Variants in HSD17B2 observed in about 807,000 individuals in gnomAD.
HSD17B2 encodes hydroxysteroid 17-beta dehydrogenase 2.
In HSD17B2, 32 loss-of-function variants were observed where a neutral mutation model predicts 26.9. The observed-to-expected ratio is 1.19, with a 90% CI of 0.90 to 1.60. The LOEUF (loss-of-function observed/expected upper bound fraction) is 1.60. Among genes scored for constraint, HSD17B2 ranks in the 40% most tolerant of loss-of-function variants. The pLI, the probability that HSD17B2 is intolerant of heterozygous loss-of-function variation, is 0.00. For missense variants in HSD17B2, 613 were observed against 468.6 expected, an observed-to-expected ratio of 1.31 and a Z score of -2.85; for synonymous variants, 246 against 186.7, an observed-to-expected ratio of 1.32 and a Z score of -2.59.
intron 3 of HSD17B2, among the ~76,000 whole-genome samples, chr16:82,086,676 A>C (rs1904536291): frequency 6.6e-6 from 1 of 152,226 alleles, no homozygotes; most frequent in African/African-American, 2.4e-5. Flanking sequence ...GGAAGAGTGG[A>C]AAGAGTCCAT....
In HSD17B2 at chr16:82,091,397, C is replaced by T. The variant is rs186406531; in HGVS notation, c.802+358C>T. The T allele has an allele frequency of 3.9e-4, 121 of 309,126 alleles. 3 individuals are homozygous for T. The East Asian group carries it at 9.5e-3, about 24-fold the overall frequency. 19.1% of individuals were successfully genotyped at this position (309,126 alleles called of 1,614,324 possible). On this transcript the variant is annotated intron_variant, in intron 4 of 4. Coordinates refer to ENST00000199936, the MANE Select transcript of HSD17B2 (RefSeq NM_002153.3). ...GCAATTAAAGAAGTCCAGATTCTGTCTTCCCACAGAGACAGAGAAACAGAG... is the reference window on the plus strand; with the variant it reads ...GCAATTAAAGAAGTCCAGATTCTGTTTTCCCACAGAGACAGAGAAACAGAG...
chr16:82,051,455 C>T (rs183259351), intron 1 of HSD17B2, among the ~76,000 whole-genome samples: 2 of 152,160 alleles, frequency 1.3e-5, no homozygotes, highest in African/African-American at 4.8e-5. Flanking sequence ...CCTCAGCAAA[C>T]TAACACAGGA....
In HSD17B2 at chr16:82,068,389, C is replaced by T. The variant is rs1914622887; in HGVS notation, c.478+7C>T. 6.2e-7 allele frequency: 1 copy of T among 1,603,840 alleles called. No homozygotes were observed. The highest frequency in any genetic ancestry group is 1.7e-5 in the Admixed American group (1 of 58,854). The stretch of plus-strand genomic sequence containing the variant: ...GCAATGCTGCAGGACAGAGGTACTG[C>T]CGCCAGCACCCTCAGTGCCTTTACC... On this transcript the variant is annotated splice_region_variant and intron_variant, in intron 2 of 4. Transcript: ENST00000199936.
chr16:82,036,279 A>G (rs912441484), intron 1 of HSD17B2, among the ~76,000 whole-genome samples: 3 of 151,566 alleles, frequency 2.0e-5, no homozygotes, highest in Non-Finnish European at 4.4e-5. Context: ...CGTGTCCAAC[A>G]TTCAGTTGCC....
chr16:82,093,122 T>G (rs1047094785), intron 4 of HSD17B2: 1 of 152,114 alleles, frequency 6.6e-6, no homozygotes, highest in Non-Finnish European at 1.5e-5. Context: ...ACGCACAGGG[T>G]TCAACAAATT....
chr16:82,075,001 T>C (rs1904293927), intron 3 of HSD17B2, among the ~76,000 whole-genome samples: 1 of 152,180 alleles, frequency 6.6e-6, no homozygotes. Flanking sequence ...ATCAAGTATC[T>C]TCTCTGACCA....
At chr16:82,066,289 A>G (rs1288138341) in intron 1 of HSD17B2, among the ~76,000 whole-genome samples, 1 of 152,196 alleles carries the variant, frequency 6.6e-6, no homozygotes, top group Non-Finnish European at 1.5e-5. Flanking sequence ...ATAAGAAGGA[A>G]GGAGATGGAG....
At chr16:82,079,165 C>A (rs896533908) in intron 3 of HSD17B2, among the ~76,000 whole-genome samples, 8 of 151,922 alleles carry the variant, frequency 5.3e-5, no homozygotes, top group Admixed American at 5.2e-4. Context: ...AACTATGTTC[C>A]CACAAAATAT....
At chr16:82,049,428 G>A (rs929553705) in intron 1 of HSD17B2, among the ~76,000 whole-genome samples, 1 of 152,214 alleles carries the variant, frequency 6.6e-6, no homozygotes, top group African/African-American at 2.4e-5. Flanking sequence ...CAAGTGCCAG[G>A]TACAAAGCAA....
intron 4 of HSD17B2, chr16:82,097,164 G>C (rs1203384497): frequency 6.6e-6 from 1 of 151,884 alleles, no homozygotes; most frequent in African/African-American, 2.4e-5. Flanking sequence ...GAATAGCTGG[G>C]ACTAGAGATA....
intron 1 of HSD17B2, among the ~76,000 whole-genome samples, chr16:82,065,538 C>T (rs1008550137): frequency 6.6e-6 from 1 of 152,102 alleles, no homozygotes; most frequent in African/African-American, 2.4e-5. Context: ...AGGTATGGTA[C>T]CTCACAAAAT....
chr16:82,078,452 C>T (rs1904315033), intron 3 of HSD17B2, among the ~76,000 whole-genome samples: 1 of 152,148 alleles, frequency 6.6e-6, no homozygotes, highest in Non-Finnish European at 1.5e-5. Context: ...TAAATTAGTA[C>T]AATTGCTATG....
At chr16:82,058,663 C>T (rs147281733) in intron 1 of HSD17B2, among the ~76,000 whole-genome samples, 15 of 152,186 alleles carry the variant, frequency 9.9e-5, no homozygotes, top group South Asian at 2.1e-4. Context: ...AAGGGTAATG[C>T]GAATTTTCAC....
chr16:82,074,931 G>C (rs1184121892), intron 3 of HSD17B2, among the ~76,000 whole-genome samples: 1 of 152,168 alleles, frequency 6.6e-6, no homozygotes, highest in East Asian at 1.9e-4. Context: ...TCGTTCTCAA[G>C]GATAGACCAT....
chr16:82,061,171 T>G (rs572808016), intron 1 of HSD17B2, among the ~76,000 whole-genome samples: 1 of 151,742 alleles, frequency 6.6e-6, no homozygotes, highest in Non-Finnish European at 1.5e-5. Context: ...AGGCAAAGAA[T>G]TGCTTGAACC....
intron 1 of HSD17B2, among the ~76,000 whole-genome samples, chr16:82,046,505 T>A (rs563718379): frequency 5.6e-4 from 85 of 152,220 alleles, no homozygotes; most frequent in African/African-American, 2.0e-3. Flanking sequence ...GGCAGATCAC[T>A]TGAGCCCGGG....
Position 82,098,482 on chromosome 16 carries a change from G to T in HSD17B2, c.*46G>T, listed in dbSNP as rs765449958. ...AGTCGGAATGTCATAGTCTTGAAAT[G>T]AAAGGGAAACTGGGAAACTGGGTTT... On this transcript the variant is annotated 3_prime_UTR_variant, in exon 5 of 5. Transcript: ENST00000199936. 17 of 1,528,794 alleles carry T rather than the reference G, an allele frequency of 1.1e-5. No individual in the cohort carries two copies. Among genetic ancestry groups the T allele is most frequent in the Admixed American group, 2.2e-5 (1 of 45,282 alleles). 94.7% of individuals were successfully genotyped at this position (1,528,794 alleles called of 1,614,324 possible). A position where few individuals can be genotyped will look rare whatever the true frequency, so the allele number is the denominator to read the frequency against.
intron 3 of HSD17B2, among the ~76,000 whole-genome samples, chr16:82,087,133 T>G (rs184223892): frequency 1.3e-5 from 2 of 152,310 alleles, no homozygotes; most frequent in African/African-American, 4.8e-5. Context: ...TAACAAGGTG[T>G]GTTCTCTTAA....
chr16:82,078,908 G>C (rs1904319534), intron 3 of HSD17B2, among the ~76,000 whole-genome samples: 1 of 152,168 alleles, frequency 6.6e-6, no homozygotes, highest in African/African-American at 2.4e-5. Context: ...GGGGAAGTAG[G>C]AATGGTTAAT....
Sources: allele counts gnomAD v4.1 joint callset (sites outside exome capture counted in the v4.1 genomes callset), GRCh38; gene constraint gnomAD v4.1.1; transcripts MANE v1.5; gene names NCBI Gene and HGNC (gene_info 2026-07-23, HGNC 2026-07-21).